The following WWOX variants were observed in gnomAD, a reference collection of about 807,000 sequenced individuals.
The protein encoded by WWOX is WW domain-containing oxidoreductase.
In WWOX, 69 loss-of-function variants were observed where a neutral mutation model predicts 46.2. That is an observed-to-expected ratio of 1.49 (90% CI 1.23 to 1.82). WWOX has a LOEUF of 1.82. WWOX is among the 40% of genes most tolerant of loss of function. The pLI is 0.00. For synonymous variants in WWOX, 359 were observed against 202.6 expected (o/e 1.77, Z -6.56); for missense variants, 919 against 542.6 (o/e 1.69, Z -6.89).
At chr16:78,787,397 C>G (rs1034650582) in intron 8 of WWOX, among the ~76,000 whole-genome samples, 1 of 152,154 alleles carries the variant, frequency 6.6e-6, no homozygotes, top group Non-Finnish European at 1.5e-5. Flanking sequence ...TTCTGGATAT[C>G]TCATATAAAT....
intron 8 of WWOX, among the ~76,000 whole-genome samples, chr16:79,097,814 T>A (rs994767226): frequency 1.3e-5 from 2 of 152,140 alleles, no homozygotes; most frequent in African/African-American, 4.8e-5. Context: ...ATTCAAGCCT[T>A]TTGCCCGTCG....
chr16:78,924,886 T>C (rs886558108), intron 8 of WWOX, among the ~76,000 whole-genome samples: 1 of 152,198 alleles, frequency 6.6e-6, no homozygotes, highest in Non-Finnish European at 1.5e-5. Context: ...GTGCTCTCAA[T>C]GTTTGTCTTT....
chr16:79,015,681 C>T lies in WWOX; in HGVS notation c.1057-195927C>T, dbSNP rs79634188. Among the ~76,000 whole-genome samples the T allele has an allele frequency of 1.9e-3, 283 of 152,280 alleles. 2 individuals carry two copies. The highest frequency in any genetic ancestry group is 6.3e-3 in the African/African-American group (260 of 41,550). On this transcript the variant is annotated intron_variant, in intron 8 of 8. Transcript: ENST00000566780. ...TAGTCCCTGTCTCCGTATATTTTCT[C>T]CTTCTCTTATTAGTTTATCTTTTCC...
chr16:78,917,766 T>TA (rs2045286313), intron 8 of WWOX, among the ~76,000 whole-genome samples: 1 of 152,136 alleles, frequency 6.6e-6, no homozygotes, highest in Non-Finnish European at 1.5e-5. Flanking sequence ...TAAGGTCTAT[T>TA]AATAAATATC....
chr16:78,423,712 G>T (rs1001124367), intron 6 of WWOX, among the ~76,000 whole-genome samples: 1 of 151,946 alleles, frequency 6.6e-6, no homozygotes, highest in African/African-American at 2.4e-5. Context: ...CATGCATGGT[G>T]GTGTGCCCCT....
chr16:78,595,420 A>G (rs2045464975), intron 8 of WWOX, among the ~76,000 whole-genome samples: 1 of 152,088 alleles, frequency 6.6e-6, no homozygotes, highest in African/African-American at 2.4e-5. Context: ...CAGCCTGTGG[A>G]ACGTAATATT....
chr16:78,739,780 C>T (rs28736554), intron 8 of WWOX, among the ~76,000 whole-genome samples: 22,601 of 152,102 alleles, frequency 0.15, 2,057 homozygotes, highest in African/African-American at 0.24. Context: ...CATTGCACTC[C>T]AGCCTGGGCA....
At chr16:78,799,990 T>C (rs1597631300) in intron 8 of WWOX, among the ~76,000 whole-genome samples, 3 of 152,168 alleles carry the variant, frequency 2.0e-5, no homozygotes, top group Non-Finnish European at 2.9e-5. Flanking sequence ...GAGGTTCCGA[T>C]GAACTCTTTT....
At chr16:79,148,993 A>G (rs2050229777) in intron 8 of WWOX, among the ~76,000 whole-genome samples, 9 of 152,040 alleles carry the variant, frequency 5.9e-5, no homozygotes, top group Admixed American at 5.2e-4. Context: ...CAAATAGAGA[A>G]TTTTATTTCT....
rs1040858625 is a variant in WWOX at position 78,590,463 on chromosome 16, G to A, written c.1056+157711G>A. The stretch of plus-strand genomic sequence containing the variant: ...TCTAATATTATTTGAGCTGCTCACT[G>A]ATAAATAAATAGGATTTTCCCAGTT... On this transcript the variant is annotated intron_variant, in intron 8 of 8. Transcript: ENST00000566780. Among the ~76,000 whole-genome samples the A allele has an allele frequency of 5.6e-4, 85 of 152,180 alleles. 1 individual carries two copies. The highest frequency in any genetic ancestry group is 2.0e-3 in the African/African-American group (82 of 41,450).
chr16:78,316,328 G>C (rs961144157), intron 5 of WWOX, among the ~76,000 whole-genome samples: 5 of 152,134 alleles, frequency 3.3e-5, no homozygotes, highest in Non-Finnish European at 7.4e-5. Flanking sequence ...TGTTAGGTTA[G>C]ATTCCCTGAA....
intron 8 of WWOX, among the ~76,000 whole-genome samples, chr16:78,727,298 C>G (rs908626913): frequency 1.1e-4 from 16 of 152,184 alleles, no homozygotes; most frequent in Non-Finnish European, 1.9e-4. Flanking sequence ...GCTAGGGAGG[C>G]TGAGGCAGGA....
intron 8 of WWOX, among the ~76,000 whole-genome samples, chr16:78,589,259 A>C (rs1224476594): frequency 2.0e-5 from 3 of 152,230 alleles, no homozygotes; most frequent in African/African-American, 4.8e-5. Flanking sequence ...AGGAAAAGCA[A>C]AGCAAAACAA....
chr16:78,858,484 A>G (rs978214202), intron 8 of WWOX, among the ~76,000 whole-genome samples: 5 of 152,208 alleles, frequency 3.3e-5, no homozygotes, highest in African/African-American at 7.2e-5. Context: ...AAAAAAAACT[A>G]TACACATAGC....
At chr16:78,918,566 A>G (rs1266450077) in intron 8 of WWOX, among the ~76,000 whole-genome samples, 4 of 152,172 alleles carry the variant, frequency 2.6e-5, no homozygotes, top group African/African-American at 4.8e-5. Context: ...TCTTTCCGAG[A>G]CAGGCTGCAA....
At chr16:78,867,071 C>T (rs1261890243) in intron 8 of WWOX, among the ~76,000 whole-genome samples, 1 of 152,088 alleles carries the variant, frequency 6.6e-6, no homozygotes, top group South Asian at 2.1e-4. Context: ...GAAGTATTCA[C>T]AATTGGAGAA....
intron 8 of WWOX, among the ~76,000 whole-genome samples, chr16:79,068,002 G>A (rs1349743232): frequency 1.3e-5 from 2 of 152,180 alleles, no homozygotes; most frequent in Admixed American, 6.5e-5. Context: ...AGAACTCACA[G>A]ATTTTCTCAT....
intron 5 of WWOX, among the ~76,000 whole-genome samples, chr16:78,293,081 T>C (rs2079885628): frequency 1.3e-5 from 2 of 152,328 alleles, no homozygotes; most frequent in Middle Eastern, 6.8e-3. Context: ...AGCCTTTCTT[T>C]CGCCTCTCTA....
chr16:78,930,664 G>T (rs932481495), intron 8 of WWOX, among the ~76,000 whole-genome samples: 9 of 150,014 alleles, frequency 6.0e-5, no homozygotes, highest in Non-Finnish European at 1.2e-4. Flanking sequence ...CCTGTTAATT[G>T]CAGTTAATCC....
Sources: allele counts gnomAD v4.1 joint callset (sites outside exome capture counted in the v4.1 genomes callset), GRCh38; gene constraint gnomAD v4.1.1; transcripts MANE v1.5; gene names NCBI Gene and HGNC (gene_info 2026-07-23, HGNC 2026-07-21).